The following PALM2AKAP2 variants were observed in gnomAD, a reference collection of about 807,000 sequenced individuals.
The protein encoded by PALM2AKAP2 is PALM2-AKAP2 fusion protein.
Under a neutral mutation model 71.5 loss-of-function variants are expected in PALM2AKAP2, and 37 were observed. That is an observed-to-expected ratio of 0.52 (90% confidence interval 0.40 to 0.68). PALM2AKAP2 has a LOEUF of 0.68. Ranked by LOEUF, PALM2AKAP2 falls within the 30% of genes least tolerant of loss-of-function variation. PALM2AKAP2 has a pLI of 0.00. For synonymous variants in PALM2AKAP2, 468 were observed against 478.8 expected (o/e 0.98, Z 0.29); for missense variants, 1,224 against 1,191.8 (o/e 1.03, Z -0.40).
At chr9:109,995,618 C>T (rs1206437416) in intron 6 of PALM2AKAP2, among the ~76,000 whole-genome samples, 2 of 152,164 alleles carry the variant, frequency 1.3e-5, no homozygotes, top group Non-Finnish European at 2.9e-5. Flanking sequence ...GGGAACTCCT[C>T]TTTATAAAAC....
At chr9:109,834,998 G>A (rs546130479) in intron 1 of PALM2AKAP2, among the ~76,000 whole-genome samples, 13 of 152,134 alleles carry the variant, frequency 8.5e-5, no homozygotes, top group South Asian at 6.2e-4. Flanking sequence ...ACCTTCTACC[G>A]AATGCCAGGA....
chr9:109,942,876 C>T, intron 6 of PALM2AKAP2: 3 of 1,614,102 alleles, frequency 1.9e-6, no homozygotes, highest in Non-Finnish European at 2.5e-6. Context: ...ACAAATTAAG[C>T]ACAAAGGATG....
intron 6 of PALM2AKAP2, among the ~76,000 whole-genome samples, chr9:109,939,888 G>A (rs568615678): frequency 6.6e-6 from 1 of 152,218 alleles, no homozygotes; most frequent in Non-Finnish European, 1.5e-5. Flanking sequence ...AAATGGATCT[G>A]ATGAAAACCA....
chr9:109,677,250 C>T (rs1483589617), intron 1 of PALM2AKAP2, among the ~76,000 whole-genome samples: 1 of 152,182 alleles, frequency 6.6e-6, no homozygotes, highest in African/African-American at 2.4e-5. Context: ...AAAGAGACAA[C>T]TTACTCTGTG....
At chr9:110,084,829 G>A (rs565807317) in intron 1 of PALM2AKAP2, among the ~76,000 whole-genome samples, 72 of 151,946 alleles carry the variant, frequency 4.7e-4, no homozygotes, top group Middle Eastern at 3.4e-3. Flanking sequence ...TCCACCTCCC[G>A]GGTTCAAGCG....
chr9:109,884,722 A>C (rs1161039171), intron 3 of PALM2AKAP2, among the ~76,000 whole-genome samples: 2 of 152,196 alleles, frequency 1.3e-5, no homozygotes, highest in African/African-American at 4.8e-5. Flanking sequence ...AGTCACCCCC[A>C]GCAATCAATT....
chr9:109,737,618 G>A (rs1164914932), intron 1 of PALM2AKAP2, among the ~76,000 whole-genome samples: 1 of 152,198 alleles, frequency 6.6e-6, no homozygotes, highest in Non-Finnish European at 1.5e-5. Flanking sequence ...TGGAACTAGG[G>A]CTTTGCTAAT....
At chr9:109,889,148 A>G (rs562023722) in intron 3 of PALM2AKAP2, among the ~76,000 whole-genome samples, 6 of 152,250 alleles carry the variant, frequency 3.9e-5, no homozygotes, top group African/African-American at 1.4e-4. Flanking sequence ...CTTGAAAATA[A>G]AAGGCTTCTC....
intron 1 of PALM2AKAP2, among the ~76,000 whole-genome samples, chr9:109,801,279 G>A (rs73533209): frequency 0.075 from 11,365 of 152,240 alleles, 1,161 homozygotes; most frequent in African/African-American, 0.23. Flanking sequence ...TAGTGGTGAA[G>A]GGAGAACCTA....
At chr9:109,917,314 C>T (rs1830716126) in intron 3 of PALM2AKAP2, among the ~76,000 whole-genome samples, 1 of 152,174 alleles carries the variant, frequency 6.6e-6, no homozygotes, top group Non-Finnish European at 1.5e-5. Context: ...CCGTGTCAGA[C>T]TTCTGACATA....
intron 1 of PALM2AKAP2, among the ~76,000 whole-genome samples, chr9:110,052,275 A>C (rs1833726155): frequency 6.6e-6 from 1 of 152,146 alleles, no homozygotes; most frequent in African/African-American, 2.4e-5. Flanking sequence ...TAAAGGAACA[A>C]CTTCAACTTC....
Position 109,901,764 on chromosome 9 carries a change from C to T in PALM2AKAP2, c.257+21083C>T, listed in dbSNP as rs141220214. The stretch of plus-strand genomic sequence containing the variant: ...AAGGGCAGACTGGGAACCAGCTGGG[C>T]AGGCCACTCATTTTGGTTGAATTTG... On this transcript the variant is annotated intron_variant, in intron 3 of 9. Coordinates refer to the PALM2AKAP2 transcript ENST00000302798. Among the ~76,000 whole-genome samples the T allele has an allele frequency of 4.0e-3, 605 of 152,236 alleles. 4 individuals carry two copies. Among genetic ancestry groups the T allele is most frequent in the African/African-American group, 0.012 (491 of 41,544 alleles).
chr9:109,957,941 G>A (rs1486586281), intron 6 of PALM2AKAP2, among the ~76,000 whole-genome samples: 2 of 152,142 alleles, frequency 1.3e-5, no homozygotes, highest in African/African-American at 2.4e-5. Context: ...CAAGAAAAAC[G>A]GGCTTTGGAT....
chr9:109,665,658 T>C (rs1827471328), intron 1 of PALM2AKAP2, among the ~76,000 whole-genome samples: 1 of 152,196 alleles, frequency 6.6e-6, no homozygotes, highest in Non-Finnish European at 1.5e-5. Flanking sequence ...GGGACCCACT[T>C]GAGGAGGCAG....
chr9:109,851,564 AG>A (rs2131626964), intron 1 of PALM2AKAP2, among the ~76,000 whole-genome samples: 1 of 152,344 alleles, frequency 6.6e-6, no homozygotes, highest in South Asian at 2.1e-4. Flanking sequence ...AGGGAAGCAA[AG>A]TACCACACTG....
At chr9:109,727,250 A>G (rs753930728) in intron 1 of PALM2AKAP2, among the ~76,000 whole-genome samples, 11 of 152,146 alleles carry the variant, frequency 7.2e-5, no homozygotes, top group Non-Finnish European at 1.3e-4. Context: ...TTCTTGTGAT[A>G]GTATCTGCCC....
At chr9:110,091,304 A>T (rs1387782807) in intron 1 of PALM2AKAP2, among the ~76,000 whole-genome samples, 1 of 152,028 alleles carries the variant, frequency 6.6e-6, no homozygotes, top group East Asian at 1.9e-4. Flanking sequence ...AACCCTCTTA[A>T]CTAAAGAGAG....
chr9:110,080,069 C>CAAA (rs147710381), intron 1 of PALM2AKAP2, among the ~76,000 whole-genome samples: 3 of 75,544 alleles, frequency 4.0e-5, no homozygotes, highest in African/African-American at 1.6e-4. Flanking sequence ...GACTCTGTCT[C>CAAA]AAAAAAAAAA....
intron 3 of PALM2AKAP2, among the ~76,000 whole-genome samples, chr9:110,157,448 G>T (rs554896465): frequency 6.6e-6 from 1 of 152,044 alleles, no homozygotes; most frequent in African/African-American, 2.4e-5. Context: ...ACCCAGGCTG[G>T]AATGCATTGA....
Sources: gnomAD v4.1 joint callset for allele counts (sites outside exome capture counted in the v4.1 genomes callset) on GRCh38, gnomAD v4.1.1 for gene constraint, MANE v1.5 for transcripts, NCBI Gene and HGNC (gene_info 2026-07-23, HGNC 2026-07-21) for gene names.